The following CARMIL1 variants were observed in gnomAD, a reference collection of about 807,000 sequenced individuals.
CARMIL1 encodes capping protein regulator and myosin 1 linker 1.
Under a neutral mutation model 177.1 loss-of-function variants are expected in CARMIL1, and 90 were observed. The ratio of observed to expected loss-of-function variants is 0.51; its 90% confidence interval spans 0.43 to 0.61. The LOEUF (loss-of-function observed/expected upper bound fraction) is 0.61, where lower values mean the gene tolerates loss of function less well. CARMIL1 is among the 20% of genes least tolerant of loss of function. CARMIL1 has a pLI of 0.00. For missense variants in CARMIL1, 1,380 were observed against 1,667.0 expected (o/e 0.83, Z 3.00); for synonymous variants, 577 against 606.2 (o/e 0.95, Z 0.71).
intron 24 of CARMIL1, among the ~76,000 whole-genome samples, chr6:25,534,408 A>G (rs1364800348): frequency 6.6e-6 from 1 of 152,098 alleles, no homozygotes; most frequent in Non-Finnish European, 1.5e-5. Context: ...GTTCCTAACC[A>G]GGAGATAGGA....
intron 9 of CARMIL1, among the ~76,000 whole-genome samples, chr6:25,470,495 G>A (rs1281968261): frequency 2.0e-5 from 3 of 152,166 alleles, no homozygotes; most frequent in Non-Finnish European, 4.4e-5. Flanking sequence ...CCTGGATTAG[G>A]TGCACCTATA....
chr6:25,543,383 A>G (rs1216924989), intron 26 of CARMIL1, among the ~76,000 whole-genome samples: 1 of 152,190 alleles, frequency 6.6e-6, no homozygotes, highest in African/African-American at 2.4e-5. Flanking sequence ...GAAAAGCAGT[A>G]AGTCTGGAGA....
chr6:25,468,417 A>T (rs1800821032), intron 9 of CARMIL1, among the ~76,000 whole-genome samples: 1 of 152,198 alleles, frequency 6.6e-6, no homozygotes, highest in African/African-American at 2.4e-5. Context: ...TCCATTTTTT[A>T]AAAATTATTT....
At chr6:25,459,371 G>A (rs1465619739) in intron 8 of CARMIL1, among the ~76,000 whole-genome samples, 2 of 148,988 alleles carry the variant, frequency 1.3e-5, no homozygotes, top group Admixed American at 1.4e-4. Flanking sequence ...CTACAGGCAT[G>A]TACCACCATG....
In CARMIL1 at chr6:25,409,498, C is replaced by T. The variant is rs570365238; in HGVS notation, c.139-10616C>T. ...GAGATTTCAAGCAACATGCCTAATACCTCTCAGTCCACAAAATGGCAAAGC... is the reference window on the plus strand; with the variant it reads ...GAGATTTCAAGCAACATGCCTAATATCTCTCAGTCCACAAAATGGCAAAGC... On this transcript the variant is annotated intron_variant, in intron 2 of 36. Transcript: ENST00000329474. Among the ~76,000 whole-genome samples the T allele has an allele frequency of 3.3e-5, 5 of 152,154 alleles. 1 individual carries two copies. The South Asian group carries it at 1.0e-3, about 32-fold the overall frequency.
chr6:25,296,926 TA>T (rs1161050740), intron 2 of CARMIL1, among the ~76,000 whole-genome samples: 42 of 42,858 alleles, frequency 9.8e-4, no homozygotes, highest in Admixed American at 2.1e-3. Flanking sequence ...TCTATCTATC[TA>T]TCTATCTTTA....
At chr6:25,546,205 T>G (rs1370595311) in intron 26 of CARMIL1, among the ~76,000 whole-genome samples, 3 of 152,200 alleles carry the variant, frequency 2.0e-5, no homozygotes, top group African/African-American at 7.2e-5. Flanking sequence ...ATGTTTATAA[T>G]CATCACTTCT....
intron 2 of CARMIL1, among the ~76,000 whole-genome samples, chr6:25,298,880 G>A (rs1422884591): frequency 2.0e-5 from 3 of 151,232 alleles, no homozygotes; most frequent in East Asian, 1.9e-4. Context: ...TCAAATTCCC[G>A]AGTAGCTAGT....
chr6:25,481,054 C>G (rs1170195501), intron 11 of CARMIL1, among the ~76,000 whole-genome samples: 1 of 151,642 alleles, frequency 6.6e-6, no homozygotes, highest in Non-Finnish European at 1.5e-5. Context: ...CAAGTTTTAA[C>G]AGTTATTCTG....
rs748457714 is a variant in CARMIL1 at position 25,554,019 on chromosome 6, T to C, written c.2515T>C (p.Leu839=). 1.9e-6 allele frequency: 3 copies of C among 1,597,112 alleles called. No homozygotes were observed. The South Asian group carries it at 3.4e-5, about 18-fold the overall frequency. ...TTGATTTTCACACAGTGAAGTAAAA[T>C]TGACAGTGGCCTCGTTCCTGTCTGA... ...DILNKISEVK[L]TVASFLSDRI... The change falls in exon 28 of 37, where the codon TTG becomes CTG. Residue 839 remains leucine (L), a synonymous_variant. Transcript: ENST00000329474. This position sits in a 1 kb window ranked among gnomAD's most constrained non-coding sequence, Gnocchi z 4.6.
intron 17 of CARMIL1, among the ~76,000 whole-genome samples, chr6:25,505,524 C>G (rs1023399049): frequency 6.6e-6 from 1 of 152,100 alleles, no homozygotes; most frequent in Non-Finnish European, 1.5e-5. Flanking sequence ...GCAATCTTGG[C>G]TCACTGCAAC....
chr6:25,418,832 G>A (rs1475147517), intron 2 of CARMIL1, among the ~76,000 whole-genome samples: 1 of 152,144 alleles, frequency 6.6e-6, no homozygotes, highest in South Asian at 2.1e-4. Flanking sequence ...CTTGAAATGG[G>A]CTGTGTCTTT....
At chr6:25,529,779 A>AAAAAAAAAAAAAAAAAAAAAAAAAAAAAC (rs1807560133) in intron 24 of CARMIL1, among the ~76,000 whole-genome samples, 1 of 133,134 alleles carries the variant, frequency 7.5e-6, no homozygotes, top group Admixed American at 7.7e-5. Context: ...AAAAAAAAAA[A>AAAAAAAAAAAAAAAAAAAAAAAAAAAAAC]AAAAAAGAAT....
chr6:25,452,177 G>A (rs1281281381), intron 8 of CARMIL1: 2 of 764,708 alleles, frequency 2.6e-6, no homozygotes, highest in Non-Finnish European at 2.4e-6. Flanking sequence ...AGGCTCAGCT[G>A]TGTCTGTAGT....
chr6:25,474,359 C>G (rs1040971779), intron 11 of CARMIL1, among the ~76,000 whole-genome samples: 2 of 152,048 alleles, frequency 1.3e-5, no homozygotes, highest in African/African-American at 4.8e-5. Flanking sequence ...TCGTGATCCA[C>G]CCACCTCGGC....
At chr6:25,345,193 G>A (rs563126432) in intron 2 of CARMIL1, among the ~76,000 whole-genome samples, 1 of 152,222 alleles carries the variant, frequency 6.6e-6, no homozygotes, top group South Asian at 2.1e-4. Context: ...TTTACCAGCA[G>A]CATTTAACAG....
At chr6:25,299,847 G>A (rs543151383) in intron 2 of CARMIL1, among the ~76,000 whole-genome samples, 25 of 151,938 alleles carry the variant, frequency 1.6e-4, no homozygotes, top group South Asian at 6.3e-4. Flanking sequence ...GTGTGGTGGC[G>A]GGTGCCTGTA....
Position 25,434,518 on chromosome 6 carries a change from ATTTTTTTTTTTTTTTT to A in CARMIL1, c.250-955_250-940del, listed in dbSNP as rs5875039. On this transcript the variant is annotated intron_variant, in intron 4 of 36. Coordinates refer to ENST00000329474, the MANE Select transcript of CARMIL1 (RefSeq NM_017640.6). ...CCCTCTTCTTAGAAAGCTCAAAACC[ATTTTTTTTTTTTTTTT>A]TTTTTTTTTAGACGGAGTCTTGCTC... Among the ~76,000 whole-genome samples the A allele has an allele frequency of 2.9e-4, 30 of 101,702 alleles. No individual in the cohort carries two copies. In the South Asian group the frequency reaches 7.1e-3, roughly 24 times the overall value. The allele number at this position is 101,702 out of a possible 152,430, so 66.7% of individuals were successfully genotyped here.
rs115587609 is a variant in CARMIL1, at chr6:25,323,857, C to T, written c.138+38948C>T. ...TTTTTTCCCTTTCAACTATAGTTTT[C>T]ACATGTAAACCATCAAATTATAAGA... is the stretch of plus-strand genomic sequence containing the variant. On this transcript the variant is annotated intron_variant, in intron 2 of 36. Transcript: ENST00000329474. 5.6e-3 allele frequency among the ~76,000 whole-genome samples: 850 copies of T among 152,218 alleles called. 6 individuals carry two copies. The highest frequency in any genetic ancestry group is 0.019 in the African/African-American group (800 of 41,506).
Sources: allele counts gnomAD v4.1 joint callset (sites outside exome capture counted in the v4.1 genomes callset), GRCh38; gene constraint gnomAD v4.1.1; non-coding constraint Gnocchi (gnomAD v3.1); transcripts MANE v1.5; gene names NCBI Gene and HGNC (gene_info 2026-07-23, HGNC 2026-07-21).